SPON2: variants seen among roughly 807,000 people sequenced by gnomAD.
The protein encoded by SPON2 is spondin 2.
In SPON2, 32 loss-of-function variants were observed where a neutral mutation model predicts 29.9. The ratio of observed to expected loss-of-function variants is 1.07; its 90% CI spans 0.81 to 1.44. The LOEUF (loss-of-function observed/expected upper bound fraction) is 1.44, where lower values mean the gene tolerates loss of function less well. Ranked by LOEUF, SPON2 falls within the 40% of genes most tolerant of loss-of-function variation. The probability of loss-of-function intolerance (pLI) is 0.00; values close to 1 mark genes in which losing one functional copy is unlikely to be tolerated. For synonymous variants in SPON2, 248 were observed against 209.1 expected (o/e 1.19, Z -1.61); for missense variants, 541 against 455.5 (o/e 1.19, Z -1.71).
In SPON2 at chr4:1,202,600, G is replaced by A. The variant is rs1012794851; in HGVS notation, c.-234+5280C>T. On this transcript the variant is annotated intron_variant, in intron 1 of 3. Coordinates refer to the SPON2 transcript ENST00000509233. This position sits in a 1 kb window ranked among gnomAD's most constrained non-coding sequence, Gnocchi z 5.4. ...TCAGCCCACTCAGTGCTCATGGGTC[G>A]GAGTCTCCTGCCTGCCGCTCTCCCA... 6.6e-6 allele frequency among the ~76,000 whole-genome samples: 1 copy of A among 151,924 alleles called. No homozygotes were observed. Among genetic ancestry groups the A allele is most frequent in the East Asian group, 1.9e-4 (1 of 5,142 alleles).
At chr4:1,180,151 G>A (rs1727679001) in intron 1 of SPON2, among the ~76,000 whole-genome samples, 2 of 152,216 alleles carry the variant, frequency 1.3e-5, no homozygotes, top group South Asian at 4.1e-4. Context: ...ATGCAAGCAG[G>A]AAGTGAGGGC....
chr4:1,189,882 A>G (rs1727877655), intron 1 of SPON2, among the ~76,000 whole-genome samples: 1 of 150,202 alleles, frequency 6.7e-6, no homozygotes, highest in African/African-American at 2.5e-5. Flanking sequence ...CCAGCTACCC[A>G]CGAGGCTGAG....
upstream of SPON2, chr4:1,200,064 A>G (rs549372492): frequency 6.6e-6 from 1 of 152,338 alleles, no homozygotes; most frequent in Non-Finnish European, 1.5e-5. Flanking sequence ...AAGAAAGAAC[A>G]GGCAGCTTGG....
chr4:1,188,343 G>A (rs1448169804), intron 1 of SPON2, among the ~76,000 whole-genome samples: 1 of 152,094 alleles, frequency 6.6e-6, no homozygotes, highest in Non-Finnish European at 1.5e-5. Context: ...ATAGCAAATG[G>A]TGTGCCTAAA....
upstream of SPON2, chr4:1,197,277 T>C (rs973546890): frequency 2.6e-5 from 4 of 152,326 alleles, no homozygotes; most frequent in East Asian, 1.9e-4. Context: ...CTGTTGTGTA[T>C]TGGCTGCAAA....
intron 1 of SPON2, among the ~76,000 whole-genome samples, chr4:1,188,017 C>T (rs958289495): frequency 4.0e-5 from 6 of 151,020 alleles, no homozygotes; most frequent in African/African-American, 1.5e-4. Context: ...GCCTGGCCAA[C>T]ACGATGAAAC....
chr4:1,170,841 A>G (rs772199101), intron 4 of SPON2, 158 bp downstream of exon 4: 3 of 1,111,246 alleles, frequency 2.7e-6, no homozygotes, highest in East Asian at 5.1e-5. Context: ...GGAGGGCTGC[A>G]CCCCCTTGCT....
intron 1 of SPON2, among the ~76,000 whole-genome samples, chr4:1,205,931 G>A (rs550518516): frequency 2.0e-4 from 30 of 152,232 alleles, no homozygotes; most frequent in Non-Finnish European, 2.8e-4. Flanking sequence ...GCCATGCTCC[G>A]CCCGATGCCC....
intron 2 of SPON2, 68 bp downstream of exon 2, chr4:1,171,784 C>T: frequency 1.9e-6 from 2 of 1,077,234 alleles, no homozygotes; most frequent in East Asian, 2.4e-5. Context: ...CGCCGTGCAG[C>T]TGTGCGGGGG....
In SPON2 at chr4:1,171,863, G is replaced by T. The variant is rs747390530; in HGVS notation, c.209C>A (p.Ser70Tyr). The T allele has an allele frequency of 2.7e-5, 43 of 1,612,028 alleles. No individual in the cohort carries two copies. The highest frequency in any genetic ancestry group is 3.6e-5 in the Non-Finnish European group (42 of 1,179,200). Residue 70 changes from serine to tyrosine, a missense_variant, in exon 2 of 6, where the codon TCT (serine) becomes TAT (tyrosine). Ser to Tyr is a moderately radical substitution (Grantham distance 144). Transcript: ENST00000290902. ...GGGGCTGTACTTACCCAGCAGCGAAGACCACTGCGCAGGGGGGCGGAACAG... is the reference window on the plus strand; with the variant it reads ...GGGGCTGTACTTACCCAGCAGCGAATACCACTGCGCAGGGGGGCGGAACAG... ...YPLFRPPAQWSSLLGAAHSSD... is the reference protein window; with the variant it reads ...YPLFRPPAQWYSLLGAAHSSD...
At chr4:1,194,160 G>A (rs1727983148) in intron 1 of SPON2, among the ~76,000 whole-genome samples, 1 of 152,130 alleles carries the variant, frequency 6.6e-6, no homozygotes, top group Non-Finnish European at 1.5e-5. Context: ...TGGGGAGAGA[G>A]ACACCCTCCG....
chr4:1,171,680 C>CCACCGCATCCCCGGAACCGCA, intron 2 of SPON2, 172 bp downstream of exon 2: 1 of 760,634 alleles, frequency 1.3e-6, no homozygotes, highest in South Asian at 1.8e-5. Flanking sequence ...CCCCCTGCCC[C>CCACCGCATCCCCGGAACCGCA]CACCGCATCC....
chr4:1,170,664 G>T, intron 4 of SPON2, 88 bp from the exon 5 acceptor site: 1 of 1,430,398 alleles, frequency 7.0e-7, no homozygotes, highest in Non-Finnish European at 9.6e-7. Flanking sequence ...ACTGCCCAGC[G>T]TCCAGCGTGC....
chr4:1,193,648 G>A (rs559353796), intron 1 of SPON2, among the ~76,000 whole-genome samples: 1 of 42,476 alleles, frequency 2.4e-5, no homozygotes, highest in South Asian at 1.3e-3. Context: ...GATGTGGAGG[G>A]GGCATGGGAA....
chr4:1,203,690 G>A (rs906378540), intron 1 of SPON2, among the ~76,000 whole-genome samples: 2 of 152,172 alleles, frequency 1.3e-5, no homozygotes, highest in Non-Finnish European at 2.9e-5. Context: ...CGCATGTGAG[G>A]TTCCCACGTC....
chr4:1,187,213 T>C (rs1354125209), intron 1 of SPON2, among the ~76,000 whole-genome samples: 1 of 152,220 alleles, frequency 6.6e-6, no homozygotes, highest in African/African-American at 2.4e-5. Flanking sequence ...GAAGGACATA[T>C]GCTATAATAT....
chr4:1,186,207 A>G (rs867407125), intron 1 of SPON2, among the ~76,000 whole-genome samples: 1,996 of 150,574 alleles, frequency 0.013, 37 homozygotes, highest in African/African-American at 0.045. Flanking sequence ...TCGGGCCACT[A>G]TACTCCAGCT....
At chr4:1,196,234 C>A (rs1728067453), upstream of SPON2, among the ~76,000 whole-genome samples, 1 of 152,186 alleles carries the variant, frequency 6.6e-6, no homozygotes, top group African/African-American at 2.4e-5. Context: ...GCCACGTGTT[C>A]CAGGGTCAGA....
At chr4:1,168,752 C>T (rs888385360) in intron 5 of SPON2, among the ~76,000 whole-genome samples, 45 of 152,294 alleles carry the variant, frequency 3.0e-4, no homozygotes, top group African/African-American at 9.9e-4. Context: ...TGTTCTACAG[C>T]GAGGGCCCCA....
Sources: allele counts gnomAD v4.1 joint callset (sites outside exome capture counted in the v4.1 genomes callset), GRCh38; gene constraint gnomAD v4.1.1; non-coding constraint Gnocchi (gnomAD v3.1); transcripts MANE v1.5; gene names NCBI Gene and HGNC (gene_info 2026-07-23, HGNC 2026-07-21).